MYH7B: variants seen among roughly 807,000 people sequenced by gnomAD.
The protein encoded by MYH7B is myosin-7B.
MYH7B carries 205 observed loss-of-function variants against 234.5 expected under a neutral mutation model. The observed-to-expected ratio is 0.87, with a 90% CI of 0.78 to 0.98. The LOEUF (loss-of-function observed/expected upper bound fraction) is 0.98, where lower values mean the gene tolerates loss of function less well. MYH7B is among the 50% of genes least tolerant of loss of function. The pLI, the probability that MYH7B is intolerant of heterozygous loss-of-function variation, is 0.00. For synonymous variants in MYH7B, 1,193 were observed against 1,105.0 expected, an observed-to-expected ratio of 1.08 and a Z score of -1.58; for missense variants, 2,652 against 2,633.4, an observed-to-expected ratio of 1.01 and a Z score of -0.15.
chr20:34,986,073 T>G lies in MYH7B; in HGVS notation c.806-27T>G, dbSNP rs200591690. 2.3e-3 allele frequency: 3,529 copies of G among 1,544,974 alleles called. 7 individuals carry two copies. The highest frequency in any genetic ancestry group is 2.7e-3 in the Non-Finnish European group (3,093 of 1,137,610). On this transcript the variant is annotated intron_variant, in intron 13 of 44. Transcript: ENST00000262873. ...GTCCACTCTGGGGAGGTGTGGGAGA[T>G]GGCAGGCCAGCGTCCCTTCTCCCCA...
chr20:34,973,878 C>G (rs999790030), intron 2 of MYH7B, among the ~76,000 whole-genome samples: 1 of 151,892 alleles, frequency 6.6e-6, no homozygotes, highest in African/African-American at 2.4e-5. Flanking sequence ...CTGCTTCAGC[C>G]TCCCCAAGTA....
chr20:34,977,738 G>GGGCCCCCC, intron 4 of MYH7B, 58 bp downstream of exon 4: 1 of 317,150 alleles, frequency 3.2e-6, no homozygotes, highest in Non-Finnish European at 5.9e-6. Flanking sequence ...GGGCGGGTGG[G>GGGCCCCCC]TGAGGGTGCC....
Position 34,989,929 on chromosome 20 carries a change from T to C in MYH7B, c.1767+10T>C. Reference sequence around the variant, plus strand: ...CCACTACGCAGGCGTGGTAGGTGCTTGCTGGAACCCCAGCCCTCGGCCAGG... The same window carrying C: ...CCACTACGCAGGCGTGGTAGGTGCTCGCTGGAACCCCAGCCCTCGGCCAGG... On this transcript the variant is annotated intron_variant, in intron 20 of 44. Coordinates refer to ENST00000262873, the Ensembl canonical transcript of MYH7B. 6.2e-7 allele frequency: 1 copy of C among 1,613,414 alleles called. No homozygotes were observed. Among genetic ancestry groups the C allele is most frequent in the Non-Finnish European group, 8.5e-7 (1 of 1,179,516 alleles).
chr20:34,987,629 T>G, exon 17 of MYH7B: 1 of 1,614,006 alleles, frequency 6.2e-7, no homozygotes, highest in African/African-American at 1.3e-5. Context: ...CACCCCCGGG[T>G]GCGTGTAGGG....
At chr20:34,996,948 G>A in intron 30 of MYH7B, 135 bp from the exon 31 acceptor site, 3 of 1,261,504 alleles carry the variant, frequency 2.4e-6, no homozygotes, top group South Asian at 1.4e-5. Context: ...CAGGGCTGAG[G>A]CCTCAGGGCC....
rs1293805231 is a variant in MYH7B, at chr20:35,000,577, C to CT, written c.5067dup (p.Ala1690CysfsTer70). On this transcript the variant is annotated frameshift_variant, in exon 39 of 45. Transcript: ENST00000262873. LOFTEE classifies it high-confidence loss of function. ...CTGGAGCGCCGGGCCTCGCTGCTGG[C>CT]TGCGGAGCTGGAGGAGCTGCGGGCT... The CT allele has an allele frequency of 5.7e-6, 9 of 1,569,316 alleles. No homozygotes were observed. The highest frequency in any genetic ancestry group is 7.7e-6 in the Non-Finnish European group (9 of 1,162,836).
At chr20:34,969,706 G>T (rs1053723436) in intron 2 of MYH7B, among the ~76,000 whole-genome samples, 2 of 151,982 alleles carry the variant, frequency 1.3e-5, no homozygotes, top group African/African-American at 4.8e-5. Context: ...ACCATGCCCA[G>T]CTAGTTTTTT....
At chr20:35,001,370 G>A (rs777338675) in intron 42 of MYH7B, 21 bp downstream of exon 42, 2 of 1,600,014 alleles carry the variant, frequency 1.2e-6, no homozygotes, top group Non-Finnish European at 1.7e-6. Context: ...GGGTCTCCCT[G>A]GGGAGTGGCC....
At chr20:34,994,057 G>C (rs2082205891) in intron 26 of MYH7B, 89 bp from the exon 27 acceptor site, 3 of 1,525,398 alleles carry the variant, frequency 2.0e-6, no homozygotes, top group Non-Finnish European at 2.7e-6. Context: ...GAGGCTGCTG[G>C]GAAGGCAAAA....
In MYH7B at chr20:34,987,483, C is replaced by A. The variant is rs1006583426; in HGVS notation, c.1148-74C>A. ...CCCTCTTAACTTCCCTCTCCTAGCC[C>A]CAGGCTGAGGCAGTAGAGCCCCTGA... On this transcript the variant is annotated intron_variant, in intron 16 of 44. Transcript: ENST00000262873. 2.8e-6 allele frequency: 4 copies of A among 1,450,974 alleles called. No homozygotes were observed. In the African/African-American group the frequency reaches 5.6e-5, roughly 20 times the overall value. The allele number at this position is 1,450,974 out of a possible 1,614,324, so 89.9% of individuals were successfully genotyped here. A position where few individuals can be genotyped will look rare whatever the true frequency, so the allele number is the denominator to read the frequency against.
At chr20:34,990,418 C>G in intron 22 of MYH7B, 108 bp downstream of exon 22, 1 of 1,188,758 alleles carries the variant, frequency 8.4e-7, no homozygotes, top group Admixed American at 1.7e-5. Flanking sequence ...TTAAGACTTG[C>G]AGTGATGTTT....
chr20:34,974,258 C>T (rs2081823737), intron 2 of MYH7B, among the ~76,000 whole-genome samples: 1 of 120,448 alleles, frequency 8.3e-6, no homozygotes, highest in Non-Finnish European at 1.7e-5. Context: ...TAAGTAGAAA[C>T]GGGGTTTCAT....
rs897270775 is a variant in MYH7B, at chr20:34,991,845, C to T, written c.2183+724C>T. Among the ~76,000 whole-genome samples the T allele has an allele frequency of 2.0e-5, 3 of 152,206 alleles. No homozygotes were observed. In the East Asian group the frequency reaches 5.8e-4, roughly 29 times the overall value. ...GCACACACACGCATGGTGCTGTGAC[C>T]TTGTTTTTTCTAACAGTCTGGCCTG... On this transcript the variant is annotated intron_variant, in intron 24 of 44. Coordinates refer to ENST00000262873, the Ensembl canonical transcript of MYH7B.
intron 2 of MYH7B, among the ~76,000 whole-genome samples, chr20:34,960,902 A>C (rs2081690596): frequency 6.6e-6 from 1 of 152,132 alleles, no homozygotes; most frequent in Non-Finnish European, 1.5e-5. Context: ...GGGAGAAGTT[A>C]CTCTGCCTAT....
chr20:34,986,783 C>T (rs185134541), intron 14 of MYH7B, 103 bp from the exon 15 acceptor site: 5 of 900,926 alleles, frequency 5.5e-6, no homozygotes, highest in Admixed American at 3.6e-5. Context: ...GCCCTAGACT[C>T]CTGCTGGGCT....
rs777756743 is a variant in MYH7B at position 34,984,965 on chromosome 20, A to C, written c.741+19A>C. 1.9e-6 allele frequency: 3 copies of C among 1,611,620 alleles called. No homozygotes were observed. In the South Asian group the frequency reaches 3.3e-5, roughly 18 times the overall value. ...CCGCTTTGTGAGTGGCTGAGGTGGG[A>C]GGGGTGGCGGGGATGCCGTAGGCCA... On this transcript the variant is annotated intron_variant, in intron 12 of 44. Coordinates refer to ENST00000262873, the Ensembl canonical transcript of MYH7B.
chr20:34,966,838 A>G (rs1025993471), intron 2 of MYH7B, among the ~76,000 whole-genome samples: 3 of 151,962 alleles, frequency 2.0e-5, no homozygotes, highest in Non-Finnish European at 4.4e-5. Flanking sequence ...AGGCAGGGGG[A>G]TTGCTTGAGC....
chr20:34,998,918 G>A lies in MYH7B; in HGVS notation c.4190+3G>A. 6.2e-7 allele frequency: 1 copy of A among 1,610,796 alleles called. No homozygotes were observed. The highest frequency in any genetic ancestry group is 8.5e-7 in the Non-Finnish European group (1 of 1,178,412). ...ACCGAGGAGCTGGAGGAGGCCAAGT[G>A]AGTGCTTTGCTGGCCAGGCCACTGC... On this transcript the variant is annotated splice_donor_region_variant and intron_variant, in intron 35 of 44. Coordinates refer to ENST00000262873, the Ensembl canonical transcript of MYH7B.
At chr20:34,997,208 A>G (rs1401609772) in intron 31 of MYH7B, 35 bp downstream of exon 31, 8 of 1,552,584 alleles carry the variant, frequency 5.2e-6, no homozygotes, top group Non-Finnish European at 7.0e-6. Flanking sequence ...GCCTGGGGTC[A>G]GAGGCCCACA....
Sources: allele counts gnomAD v4.1 joint callset (sites outside exome capture counted in the v4.1 genomes callset), GRCh38; gene constraint gnomAD v4.1.1; transcripts MANE v1.5; gene names NCBI Gene and HGNC (gene_info 2026-07-23, HGNC 2026-07-21).